The following CADPS2 variants were observed in gnomAD, a reference collection of about 807,000 sequenced individuals.
CADPS2 encodes the protein calcium-dependent secretion activator 2.
Under a neutral mutation model 172.5 loss-of-function variants are expected in CADPS2, and 93 were observed. The ratio of observed to expected loss-of-function variants is 0.54; its 90% CI spans 0.46 to 0.64. The LOEUF is 0.64. Ranked by LOEUF, CADPS2 falls within the 30% of genes least tolerant of loss-of-function variation. CADPS2 has a pLI of 0.00. For synonymous variants in CADPS2, 546 were observed against 555.2 expected, an observed-to-expected ratio of 0.98 and a Z score of 0.23; for missense variants, 1,420 against 1,565.9, an observed-to-expected ratio of 0.91 and a Z score of 1.57.
chr7:122,533,215 C>A (rs1281989701), intron 8 of CADPS2, among the ~76,000 whole-genome samples: 2 of 151,834 alleles, frequency 1.3e-5, no homozygotes, highest in East Asian at 3.9e-4. Context: ...TAGATAAAAC[C>A]AATAATATCT....
At chr7:122,690,568 T>C (rs1168842803) in intron 2 of CADPS2, among the ~76,000 whole-genome samples, 1 of 152,180 alleles carries the variant, frequency 6.6e-6, no homozygotes, top group Non-Finnish European at 1.5e-5. Context: ...TCCCTACTTT[T>C]AGGGGTATTG....
chr7:122,482,636 C>T (rs574472499), intron 11 of CADPS2, among the ~76,000 whole-genome samples: 4 of 152,026 alleles, frequency 2.6e-5, no homozygotes, highest in South Asian at 4.2e-4. Context: ...TCCTGAGGGA[C>T]GGGAAACAAG....
intron 3 of CADPS2, among the ~76,000 whole-genome samples, chr7:122,640,470 TAC>T (rs10544198): frequency 0.063 from 8,621 of 137,370 alleles, 318 homozygotes; most frequent in African/African-American, 0.082. Context: ...CACACACATA[TAC>T]ACACACACAC....
chr7:122,674,820 C>CTT (rs2082236326), intron 2 of CADPS2, among the ~76,000 whole-genome samples: 2 of 152,208 alleles, frequency 1.3e-5, no homozygotes, highest in African/African-American at 4.8e-5. Context: ...AAGAGTCTCA[C>CTT]TTATAAGACA....
chr7:122,879,360 AC>A (rs1248902172), intron 1 of CADPS2, among the ~76,000 whole-genome samples: 2 of 151,232 alleles, frequency 1.3e-5, no homozygotes, highest in African/African-American at 4.9e-5. Context: ...ATATGGTGAA[AC>A]CCCGTCTCTA....
intron 7 of CADPS2, among the ~76,000 whole-genome samples, chr7:122,559,658 C>G (rs1404968249): frequency 3.3e-5 from 5 of 150,652 alleles, no homozygotes; most frequent in African/African-American, 1.2e-4. Context: ...GTAATCCCAG[C>G]TACTTGGGAG....
chr7:122,487,303 G>A (rs1040639712), intron 11 of CADPS2, among the ~76,000 whole-genome samples: 2 of 151,890 alleles, frequency 1.3e-5, no homozygotes, highest in Non-Finnish European at 2.9e-5. Flanking sequence ...GAGCCACTGC[G>A]CCGGCCAAAC....
chr7:122,807,874 T>C (rs992741649), intron 1 of CADPS2, among the ~76,000 whole-genome samples: 6 of 152,174 alleles, frequency 3.9e-5, no homozygotes, highest in African/African-American at 1.4e-4. Flanking sequence ...CATTTTAATG[T>C]AATCACCTCT....
At position 122,663,351 on chromosome 7, in the gene CADPS2, C is replaced by T. The variant is rs2080825072; in HGVS notation, c.672G>A (p.Met224Ile). 6.2e-7 allele frequency: 1 copy of T among 1,613,920 alleles called. No individual in the cohort carries two copies. The highest frequency in any genetic ancestry group is 8.5e-7 in the Non-Finnish European group (1 of 1,179,876). ...EEDLCKQPNR[M>I]ALSAVSELIL... is the part of the protein sequence containing the mutation. ...TAAGTTCAGACACTGCACTTAGGGC[C>T]ATTCTATTTGGCTGTTTGCACAAGT... Residue 224 changes from methionine to isoleucine, a missense_variant, in exon 3 of 30, where the codon ATG (methionine) becomes ATA (isoleucine). By Grantham distance (10) the Met-to-Ile change is conservative (BLOSUM62 1). Transcript: ENST00000449022.
chr7:122,427,180 C>T (rs201619071), intron 17 of CADPS2: 1 of 151,812 alleles, frequency 6.6e-6, no homozygotes, highest in East Asian at 1.9e-4. Context: ...TTTTAGAAGA[C>T]ACATATCCAC....
chr7:122,803,247 G>T (rs549355969), intron 1 of CADPS2, among the ~76,000 whole-genome samples: 11 of 152,252 alleles, frequency 7.2e-5, no homozygotes, highest in Non-Finnish European at 1.5e-4. Context: ...CTGTCCTGCT[G>T]CTTTAAAAAA....
At chr7:122,776,025 TAAC>T (rs2093871762) in intron 1 of CADPS2, among the ~76,000 whole-genome samples, 2 of 152,192 alleles carry the variant, frequency 1.3e-5, no homozygotes, top group Admixed American at 6.5e-5. Flanking sequence ...GTCTACATAA[TAAC>T]AACAAAAAGG....
rs73220282 is a variant in CADPS2, at chr7:122,689,503, C to T, written c.454-25934G>A. Among the ~76,000 whole-genome samples, 835 of 152,316 alleles carry T rather than the reference C, an allele frequency of 5.5e-3. 3 individuals are homozygous for T. The highest frequency in any genetic ancestry group is 0.01 in the Middle Eastern group (3 of 294). On this transcript the variant is annotated intron_variant, in intron 2 of 29. Coordinates refer to ENST00000449022, the MANE Select transcript of CADPS2 (RefSeq NM_017954.11). ...ACACCTGCTCCAGGAACAGTTATTG[C>T]TAAGGGATAGAACCACAAGGGGGCC...
rs540712359 is a variant in CADPS2 at position 122,852,252 on chromosome 7, T to C, written c.339+33747A>G. Among the ~76,000 whole-genome samples the C allele has an allele frequency of 8.8e-4, 134 of 152,278 alleles. 1 individual carries two copies. Among genetic ancestry groups the C allele is most frequent in the Admixed American group, 9.8e-4 (15 of 15,296 alleles). ...TCTAGGAAGGACTCTACCTAGGAGA[T>C]CTAGGAACTCATTCAATGGTACCTG... On this transcript the variant is annotated intron_variant, in intron 1 of 29. Coordinates refer to ENST00000449022, the MANE Select transcript of CADPS2 (RefSeq NM_017954.11).
At chr7:122,561,054 TTTC>T (rs1219564828) in intron 7 of CADPS2, among the ~76,000 whole-genome samples, 1 of 152,150 alleles carries the variant, frequency 6.6e-6, no homozygotes, top group Non-Finnish European at 1.5e-5. Context: ...ATCTAAATTA[TTTC>T]TTATTTGATT....
intron 2 of CADPS2, among the ~76,000 whole-genome samples, chr7:122,722,343 C>T (rs547214380): frequency 1.2e-4 from 18 of 151,684 alleles, no homozygotes; most frequent in Admixed American, 6.6e-4. Context: ...CTTCAGCAAA[C>T]TCTCAGGATA....
In CADPS2 at chr7:122,759,343, C is replaced by G. The variant is rs149908578; in HGVS notation, c.340-22275G>C. 4.5e-3 allele frequency among the ~76,000 whole-genome samples: 686 copies of G among 152,216 alleles called. 8 individuals are homozygous for G. The highest frequency in any genetic ancestry group is 0.015 in the African/African-American group (641 of 41,544). ...GAAGTAGATGTCAGCCAGCAAAAGG[C>G]AGAGTTAAAGACACAAGACAAGGGG... On this transcript the variant is annotated intron_variant, in intron 1 of 29. Coordinates refer to ENST00000449022, the MANE Select transcript of CADPS2 (RefSeq NM_017954.11).
At chr7:122,660,468 G>A (rs1041057170) in intron 3 of CADPS2, among the ~76,000 whole-genome samples, 2 of 152,036 alleles carry the variant, frequency 1.3e-5, no homozygotes, top group African/African-American at 4.8e-5. Flanking sequence ...ACAAAAACTA[G>A]GGGAGGGCAA....
At chr7:122,645,338 C>CACAT (rs1554687592) in intron 3 of CADPS2, among the ~76,000 whole-genome samples, 1 of 97,726 alleles carries the variant, frequency 1.0e-5, no homozygotes, top group African/African-American at 3.7e-5. Context: ...TATATACACA[C>CACAT]ATGTACATGT....
Sources: allele counts gnomAD v4.1 joint callset (sites outside exome capture counted in the v4.1 genomes callset), GRCh38; gene constraint gnomAD v4.1.1; transcripts MANE v1.5; gene names NCBI Gene and HGNC (gene_info 2026-07-23, HGNC 2026-07-21).